CELF2: variants seen among roughly 807,000 people sequenced by gnomAD.
CELF2 encodes CUGBP Elav-like family member 2, also known as CUG triplet repeat RNA-binding protein 2.
CELF2 carries 8 observed loss-of-function variants against 62.6 expected under a neutral mutation model. The observed-to-expected ratio is 0.13, with a 90% confidence interval of 0.07 to 0.23. CELF2 has a LOEUF of 0.23. CELF2 is among the 10% of genes least tolerant of loss of function. The probability of loss-of-function intolerance (pLI) is 1.00; values close to 1 mark genes in which losing one functional copy is unlikely to be tolerated. For synonymous variants in CELF2, 258 were observed against 250.0 expected (o/e 1.03, Z -0.30); for missense variants, 333 against 671.0 (o/e 0.50, Z 5.56).
At chr10:11,089,826 G>A (rs1235608825) in intron 1 of CELF2, among the ~76,000 whole-genome samples, 3 of 152,124 alleles carry the variant, frequency 2.0e-5, no homozygotes, top group African/African-American at 4.8e-5. Flanking sequence ...TTGTACCATG[G>A]AATACTTCGT....
At chr10:10,877,796 T>A (rs934495206) in intron 1 of CELF2, among the ~76,000 whole-genome samples, 29 of 152,358 alleles carry the variant, frequency 1.9e-4, no homozygotes, top group African/African-American at 6.7e-4. Flanking sequence ...ACATTCCTTC[T>A]TTGCTTCCTT....
chr10:10,808,986 A>C (rs1359258048), intron 1 of CELF2, among the ~76,000 whole-genome samples: 1 of 152,212 alleles, frequency 6.6e-6, no homozygotes, highest in Non-Finnish European at 1.5e-5. Context: ...TTTACTGTGA[A>C]CTGAAATGTG....
chr10:10,735,803 C>A, the CELF2 span, among the ~76,000 whole-genome samples: 384 of 152,292 alleles, frequency 2.5e-3, 1 homozygote, highest in African/African-American at 9.0e-3. Context: ...TATTCCCCCT[C>A]ACCCTTCCTA....
At chr10:10,614,963 G>A in the CELF2 span, among the ~76,000 whole-genome samples, 33,211 of 151,938 alleles carry the variant, frequency 0.22, 4,359 homozygotes, top group Non-Finnish European at 0.31. Flanking sequence ...GGGAATCGAC[G>A]AAGAGGCAAG....
At position 11,248,984 on chromosome 10, in the gene CELF2, G is replaced by A. The variant is rs192408290; in HGVS notation, c.355-169G>A. Among the ~76,000 whole-genome samples, 61 of 152,298 alleles carry A rather than the reference G, an allele frequency of 4.0e-4. 2 individuals are homozygous for A. In the East Asian group the frequency reaches 0.011, roughly 27 times the overall value. ...CGTGACTTCAAAGGGTTTGATTCCC[G>A]AACAGAAAATACAGGCTTACTTTTT... On this transcript the variant is annotated intron_variant, in intron 3 of 12. Coordinates refer to ENST00000633077, the MANE Select transcript of CELF2 (RefSeq NM_001326342.2).
chr10:10,590,243 T>C, the CELF2 span, among the ~76,000 whole-genome samples: 2 of 152,226 alleles, frequency 1.3e-5, no homozygotes, highest in Non-Finnish European at 2.9e-5. Context: ...TTAAAGTTAA[T>C]TTGTTATTTT....
the CELF2 span, among the ~76,000 whole-genome samples, chr10:10,606,314 T>C: frequency 1.3e-5 from 2 of 152,192 alleles, no homozygotes; most frequent in Admixed American, 1.3e-4. Context: ...TAGGCTGTAA[T>C]GGAAAATTCA....
intron 1 of CELF2, among the ~76,000 whole-genome samples, chr10:11,161,676 A>G (rs542078219): frequency 1.5e-4 from 23 of 152,274 alleles, no homozygotes; most frequent in Admixed American, 1.5e-3. Context: ...TTTGGATGTA[A>G]ATTCTTGGAC....
chr10:10,529,783 A>C, the CELF2 span, among the ~76,000 whole-genome samples: 1 of 152,108 alleles, frequency 6.6e-6, no homozygotes, highest in East Asian at 1.9e-4. Flanking sequence ...ACCCTGCCTC[A>C]GTCAGAACAC....
intron 1 of CELF2, among the ~76,000 whole-genome samples, chr10:11,085,851 C>T (rs948771759): frequency 2.0e-5 from 3 of 152,124 alleles, no homozygotes; most frequent in African/African-American, 7.2e-5. Flanking sequence ...TCCAGAAATA[C>T]ATCGAGGATA....
At chr10:11,038,495 C>T (rs1182116586) in intron 1 of CELF2, among the ~76,000 whole-genome samples, 2 of 152,032 alleles carry the variant, frequency 1.3e-5, no homozygotes, top group African/African-American at 4.8e-5. Context: ...GAAGTTAATC[C>T]TATTAGACAG....
chr10:11,118,014 AG>A (rs1158200414), intron 1 of CELF2, among the ~76,000 whole-genome samples: 1 of 152,206 alleles, frequency 6.6e-6, no homozygotes, highest in Non-Finnish European at 1.5e-5. Flanking sequence ...AAAAAACAAA[AG>A]GGTAATCAGA....
chr10:10,758,538 T>C, the CELF2 span, among the ~76,000 whole-genome samples: 1 of 151,944 alleles, frequency 6.6e-6, no homozygotes, highest in Non-Finnish European at 1.5e-5. Flanking sequence ...ATGGATCACA[T>C]TGGTGTCCCA....
At chr10:10,977,371 C>G (rs1337542959) in intron 2 of CELF2, among the ~76,000 whole-genome samples, 1 of 152,140 alleles carries the variant, frequency 6.6e-6, no homozygotes, top group African/African-American at 2.4e-5. Context: ...CAAGAAGTAT[C>G]TTTAGTCTTT....
At chr10:10,828,324 T>C (rs1457065078) in intron 1 of CELF2, among the ~76,000 whole-genome samples, 2 of 152,326 alleles carry the variant, frequency 1.3e-5, no homozygotes, top group Non-Finnish European at 2.9e-5. Flanking sequence ...GGAATATTAT[T>C]CAGCCTCAAA....
chr10:11,240,305 A>G (rs1384372459), intron 3 of CELF2, among the ~76,000 whole-genome samples: 1 of 152,256 alleles, frequency 6.6e-6, no homozygotes, highest in Non-Finnish European at 1.5e-5. Context: ...TTCACCCAAC[A>G]ATGAGTGGTC....
chr10:11,249,401 C>G (rs1052853235), intron 4 of CELF2, among the ~76,000 whole-genome samples, 200 bp downstream of exon 4: 7 of 152,192 alleles, frequency 4.6e-5, no homozygotes, highest in African/African-American at 1.7e-4. Context: ...TTGATGATCT[C>G]TGGCGTAAAG....
chr10:10,903,771 T>C (rs959647478), intron 1 of CELF2, among the ~76,000 whole-genome samples: 2 of 152,224 alleles, frequency 1.3e-5, no homozygotes, highest in African/African-American at 4.8e-5. Context: ...GGAGTACAGC[T>C]GTGCTTGGGG....
chr10:10,932,888 C>T (rs1283983102), intron 2 of CELF2, among the ~76,000 whole-genome samples: 1 of 151,980 alleles, frequency 6.6e-6, no homozygotes, highest in African/African-American at 2.4e-5. Flanking sequence ...GAGACCCAGC[C>T]AACTGGTTTC....
Sources: allele counts gnomAD v4.1 joint callset (sites outside exome capture counted in the v4.1 genomes callset), GRCh38; gene constraint gnomAD v4.1.1; transcripts MANE v1.5; gene names NCBI Gene and HGNC (gene_info 2026-07-23, HGNC 2026-07-21).